Variants in TEAD4 observed in about 807,000 individuals in gnomAD.
TEAD4 encodes transcriptional enhancer factor TEF-3.
Under a neutral mutation model 52.4 loss-of-function variants are expected in TEAD4, and 36 were observed. That is an observed-to-expected ratio of 0.69 (90% confidence interval 0.53 to 0.91). The LOEUF is 0.91. Among genes scored for constraint, TEAD4 ranks in the 40% least tolerant of loss-of-function variants. The pLI, the probability that TEAD4 is intolerant of heterozygous loss-of-function variation, is 0.00. For missense variants in TEAD4, 508 were observed against 583.9 expected (o/e 0.87, Z 1.34); for synonymous variants, 220 against 231.0 (o/e 0.95, Z 0.43).
intron 3 of TEAD4, among the ~76,000 whole-genome samples, chr12:2,998,339 C>T (rs563084623): frequency 1.2e-4 from 19 of 152,084 alleles, no homozygotes; most frequent in African/African-American, 3.9e-4. Flanking sequence ...GTTAAGAGAC[C>T]GTGACCAACC....
chr12:3,029,573 G>T (rs575227350), intron 10 of TEAD4, among the ~76,000 whole-genome samples: 2 of 151,990 alleles, frequency 1.3e-5, no homozygotes, highest in Admixed American at 6.5e-5. Flanking sequence ...TTTATAGAGG[G>T]TGTCACTATG....
intron 8 of TEAD4, 70 bp downstream of exon 8, chr12:3,019,240 G>C: frequency 6.3e-7 from 1 of 1,576,798 alleles, no homozygotes; most frequent in Non-Finnish European, 8.7e-7. Flanking sequence ...CCAGGCCCCC[G>C]GCAGCCGAAC....
intron 3 of TEAD4, among the ~76,000 whole-genome samples, chr12:2,998,436 A>C (rs2098249018): frequency 1.3e-5 from 2 of 151,190 alleles, no homozygotes; most frequent in South Asian, 4.2e-4. Context: ...TCAGGGAAGC[A>C]GACTGAAAAT....
intron 2 of TEAD4, among the ~76,000 whole-genome samples, chr12:2,971,748 TAC>T (rs897649803): frequency 6.6e-6 from 1 of 151,642 alleles, no homozygotes; most frequent in African/African-American, 2.4e-5. Context: ...GTGCTGGGAT[TAC>T]AGGCATGAGC....
chr12:3,036,360 A>C (rs1197881042), intron 10 of TEAD4, among the ~76,000 whole-genome samples: 1 of 152,124 alleles, frequency 6.6e-6, no homozygotes, highest in Non-Finnish European at 1.5e-5. Flanking sequence ...ATTGTGCTAT[A>C]GACAATCAAC....
intron 3 of TEAD4, among the ~76,000 whole-genome samples, chr12:2,999,009 G>T (rs868805042): frequency 6.6e-6 from 1 of 152,238 alleles, no homozygotes; most frequent in Non-Finnish European, 1.5e-5. Context: ...GCCAAGGCAG[G>T]ACTGCGTGGG....
At chr12:2,985,698 G>A (rs1303472107) in intron 2 of TEAD4, among the ~76,000 whole-genome samples, 3 of 151,588 alleles carry the variant, frequency 2.0e-5, no homozygotes, top group Non-Finnish European at 4.4e-5. Flanking sequence ...TAGAGACGGG[G>A]TTTCAGCATA....
At chr12:3,034,717 G>C (rs1032545892) in intron 10 of TEAD4, among the ~76,000 whole-genome samples, 2 of 152,220 alleles carry the variant, frequency 1.3e-5, no homozygotes, top group African/African-American at 2.4e-5. Flanking sequence ...AGGATCACTT[G>C]AGCCCAGGAG....
chr12:3,018,966 G>A lies in TEAD4; in HGVS notation c.528-149G>A, dbSNP rs71534247. The A allele has an allele frequency of 2.0e-3, 1,842 of 936,386 alleles. 6 individuals carry two copies. Among genetic ancestry groups the A allele is most frequent in the Middle Eastern group, 0.01 (42 of 4,146 alleles). 58.0% of individuals were successfully genotyped at this position (936,386 alleles called of 1,614,324 possible). The stretch of plus-strand genomic sequence containing the variant: ...ACCCGCCACGAAACCCAGGGGAGTC[G>A]GCAGGGGCGGGAGTAGGAGGCCAAG... On this transcript the variant is annotated intron_variant, in intron 7 of 12. Coordinates refer to ENST00000359864, the MANE Select transcript of TEAD4 (RefSeq NM_003213.4).
At chr12:3,010,176 C>T (rs1026562719) in intron 3 of TEAD4, among the ~76,000 whole-genome samples, 2 of 152,252 alleles carry the variant, frequency 1.3e-5, no homozygotes, top group African/African-American at 2.4e-5. Context: ...AACTGGCCCC[C>T]GGTCCTCTGA....
rs2098213689 is a variant in TEAD4, at chr12:2,959,775, C to G, written c.-122-173C>G. 6.6e-6 allele frequency: 1 copy of G among 150,650 alleles called. No individual in the cohort carries two copies. The highest frequency in any genetic ancestry group is 2.5e-5 in the African/African-American group (1 of 40,806). The allele number at this position is 150,650 out of a possible 1,614,324, so 9.3% of individuals were successfully genotyped here. On this transcript the variant is annotated intron_variant, in intron 1 of 12. Coordinates refer to ENST00000359864, the MANE Select transcript of TEAD4 (RefSeq NM_003213.4). The surrounding 1 kb of genome is among the most constrained non-coding windows in gnomAD (Gnocchi z 5.1). ...AATAGGGATCCCCGTGTTTTCCCGT[C>G]AGTCCCATTCTGGGAAAACTCCTCC...
At chr12:3,007,275 C>T (rs989538582) in intron 3 of TEAD4, among the ~76,000 whole-genome samples, 1 of 152,200 alleles carries the variant, frequency 6.6e-6, no homozygotes, top group Non-Finnish European at 1.5e-5. Context: ...TACTGCTTCT[C>T]ACCACAGGCT....
chr12:2,992,016 CTTTTT>C (rs372782883), intron 2 of TEAD4, among the ~76,000 whole-genome samples: 8 of 107,652 alleles, frequency 7.4e-5, no homozygotes, highest in Non-Finnish European at 1.3e-4. Context: ...GCGGTTCCTG[CTTTTT>C]TTTTTTTTTT....
At chr12:3,005,239 C>A (rs1365102085) in intron 3 of TEAD4, among the ~76,000 whole-genome samples, 1 of 152,106 alleles carries the variant, frequency 6.6e-6, no homozygotes, top group Non-Finnish European at 1.5e-5. Flanking sequence ...AGATGTTGGT[C>A]AAAGAATATA....
chr12:2,981,058 G>A (rs2153953763), intron 2 of TEAD4, among the ~76,000 whole-genome samples: 1 of 152,196 alleles, frequency 6.6e-6, no homozygotes, highest in East Asian at 1.9e-4. Flanking sequence ...AGGATTGGAG[G>A]AAGATGTAGT....
At chr12:3,004,163 G>A (rs539945659) in intron 3 of TEAD4, among the ~76,000 whole-genome samples, 2 of 152,304 alleles carry the variant, frequency 1.3e-5, no homozygotes, top group South Asian at 2.1e-4. Context: ...ATCTCCCTCC[G>A]GGACCTTACC....
At chr12:3,032,926 C>T (rs921240091) in intron 10 of TEAD4, among the ~76,000 whole-genome samples, 4 of 152,356 alleles carry the variant, frequency 2.6e-5, no homozygotes, top group East Asian at 1.9e-4. Flanking sequence ...CGGCTCCCCC[C>T]GCATCGGGAA....
At position 2,974,754 on chromosome 12, in the gene TEAD4, G is replaced by T. The variant is rs181215690; in HGVS notation, c.-30+14714G>T. 6.6e-5 allele frequency among the ~76,000 whole-genome samples: 10 copies of T among 152,236 alleles called. No homozygotes were observed. The East Asian group carries it at 1.7e-3, about 27-fold the overall frequency. On this transcript the variant is annotated intron_variant, in intron 2 of 12. Coordinates refer to ENST00000359864, the MANE Select transcript of TEAD4 (RefSeq NM_003213.4). ...CACCGAGGCCCCACCCCAGATGCCC[G>T]TGCTGCTTGGACACCTGGTTTGGGC...
intron 2 of TEAD4, among the ~76,000 whole-genome samples, chr12:2,974,811 C>T (rs2098228145): frequency 6.6e-6 from 1 of 152,106 alleles, no homozygotes; most frequent in Admixed American, 6.6e-5. Context: ...GTGGGATCCT[C>T]CTGCCTGACT....
Sources: gnomAD v4.1 joint callset for allele counts (sites outside exome capture counted in the v4.1 genomes callset) on GRCh38, gnomAD v4.1.1 for gene constraint, Gnocchi (gnomAD v3.1) non-coding constraint, MANE v1.5 for transcripts, NCBI Gene and HGNC (gene_info 2026-07-23, HGNC 2026-07-21) for gene names.